The following CERCAM variants were observed in gnomAD, a reference collection of about 807,000 sequenced individuals.
The protein encoded by CERCAM is cerebral endothelial cell adhesion molecule, also known as inactive glycosyltransferase 25 family member 3.
CERCAM carries 59 observed loss-of-function variants against 66.0 expected under a neutral mutation model. The ratio of observed to expected loss-of-function variants is 0.89; its 90% CI spans 0.73 to 1.11. CERCAM has a LOEUF of 1.11. Ranked by LOEUF, CERCAM falls within the 50% of genes most tolerant of loss-of-function variation. The pLI is 0.00. For missense variants in CERCAM, 840 were observed against 828.3 expected (o/e 1.01, Z -0.17); for synonymous variants, 318 against 343.6 (o/e 0.93, Z 0.83).
rs1348370260 is a variant in CERCAM, at chr9:128,424,295, G to T, written c.561+23G>T. 8 of 1,613,440 alleles carry T rather than the reference G, an allele frequency of 5.0e-6. No homozygotes were observed. The East Asian group carries it at 1.6e-4, about 31-fold the overall frequency. On this transcript the variant is annotated intron_variant, in intron 4 of 12. Transcript: ENST00000372838. ...CAGGTGAGGCCGGGATGGGGGCCTT[G>T]GGTGGACTGAGGTCCTGGAAGGAGG...
At position 128,435,654 on chromosome 9, in the gene CERCAM, G is replaced by A. The variant is rs141311873; in HGVS notation, c.1537G>A (p.Glu513Lys). The change falls in exon 12 of 13, where the codon GAG (glutamate) becomes AAG (lysine). Residue 513 changes from glutamate (E) to lysine (K), a missense_variant and splice_region_variant. By Grantham distance (56) the Glu-to-Lys change is moderately conservative (BLOSUM62 1). Transcript: ENST00000372838. ...LPIMFDQHPN[E>K]QYKAHFWPRD... ...CTGAGCTATCCTCTCACCTTACAGC[G>A]AGCAGTACAAGGCACACTTCTGGCC... is the stretch of plus-strand genomic sequence containing the variant. 45 of 1,604,528 alleles carry A rather than the reference G, an allele frequency of 2.8e-5. No individual in the cohort carries two copies. In the African/African-American group the frequency reaches 2.8e-4, roughly 10 times the overall value.
In CERCAM at chr9:128,424,647, A is replaced by G. The variant is rs371841506; in HGVS notation, c.766+33A>G. On this transcript the variant is annotated intron_variant, in intron 5 of 12. Coordinates refer to ENST00000372838, the MANE Select transcript of CERCAM (RefSeq NM_016174.5). ...CCAGCCCTCCTTTAGCATTCCTTGGAGGCCTCTGCACATTTGCACATGCTA... is the reference window on the plus strand; with the variant it reads ...CCAGCCCTCCTTTAGCATTCCTTGGGGGCCTCTGCACATTTGCACATGCTA... The G allele has an allele frequency of 2.1e-5, 34 of 1,594,352 alleles. No homozygotes were observed. The African/African-American group carries it at 4.4e-4, about 21-fold the overall frequency.
rs780407630 is a variant in CERCAM, at chr9:128,424,264, A to AC, written c.559dup (p.Gln187ProfsTer38). 1.9e-6 allele frequency: 3 copies of AC among 1,613,754 alleles called. No individual in the cohort carries two copies. The highest frequency in any genetic ancestry group is 1.7e-5 in the Admixed American group (1 of 59,974). ...CTACTCCAACTTCTGGTGTGGGATCACCCCCCAGGTGAGGCCGGGATGGGG... is the reference window on the plus strand; with the variant it reads ...CTACTCCAACTTCTGGTGTGGGATCACCCCCCCAGGTGAGGCCGGGATGGGG... On this transcript the variant is annotated frameshift_variant, in exon 4 of 13. Coordinates refer to ENST00000372838, the MANE Select transcript of CERCAM (RefSeq NM_016174.5). LOFTEE classifies it high-confidence loss of function.
intron 9 of CERCAM, among the ~76,000 whole-genome samples, chr9:128,433,891 G>A (rs574113981): frequency 1.3e-5 from 2 of 152,356 alleles, no homozygotes; most frequent in South Asian, 4.1e-4. Context: ...AAGGGCCACG[G>A]TTACCATCAT....
At position 128,428,439 on chromosome 9, in the gene CERCAM, G is replaced by A. The variant is rs752891546; in HGVS notation, c.886+18G>A. 6.2e-7 allele frequency: 1 copy of A among 1,613,448 alleles called. No homozygotes were observed. Among genetic ancestry groups the A allele is most frequent in the Non-Finnish European group, 8.5e-7 (1 of 1,179,710 alleles). The stretch of plus-strand genomic sequence containing the variant: ...AGCACTAGGTGAGGGCTGGGGAACT[G>A]TTCCACCCACCTGCTGCCGGGGCTC... On this transcript the variant is annotated intron_variant, in intron 6 of 12. Coordinates refer to ENST00000372838, the MANE Select transcript of CERCAM (RefSeq NM_016174.5).
chr9:128,425,436 G>A (rs1452627002), intron 5 of CERCAM, among the ~76,000 whole-genome samples: 1 of 152,152 alleles, frequency 6.6e-6, no homozygotes, highest in African/African-American at 2.4e-5. Flanking sequence ...GGGAAGCTGA[G>A]GCTGGAGGGG....
chr9:128,431,118 C>G, intron 8 of CERCAM, 53 bp from the exon 9 acceptor site: 1 of 1,600,838 alleles, frequency 6.2e-7, no homozygotes, highest in Non-Finnish European at 8.5e-7. Flanking sequence ...CCTGGCCCCT[C>G]TGGAGGGGTC....
upstream of CERCAM, chr9:128,419,844 A>G (rs2131321886): frequency 6.6e-6 from 1 of 151,166 alleles, no homozygotes; most frequent in African/African-American, 2.4e-5. Flanking sequence ...CACTCAGACC[A>G]AGAGAGGGCT....
intron 8 of CERCAM, among the ~76,000 whole-genome samples, chr9:128,430,119 G>A (rs928646541): frequency 1.3e-5 from 2 of 152,050 alleles, no homozygotes; most frequent in African/African-American, 4.8e-5. Context: ...AAAAATTTTT[G>A]ACTGGGCACG....
upstream of CERCAM, chr9:128,420,619 TC>T (rs1833684211): frequency 4.8e-6 from 1 of 206,204 alleles, no homozygotes; most frequent in Non-Finnish European, 9.6e-6. This position sits in a 1 kb window ranked among gnomAD's most constrained non-coding sequence, Gnocchi z 5.0. Context: ...CCGTCGCCCC[TC>T]CGGGGTCCAG....
At chr9:128,422,220 C>G (rs146689720) in intron 1 of CERCAM, 1 of 152,568 alleles carries the variant, frequency 6.6e-6, no homozygotes, top group East Asian at 1.9e-4. Flanking sequence ...ACGAAGGTAA[C>G]CAGGGAATGC....
chr9:128,419,563 A>G (rs375627882), upstream of CERCAM: 12 of 152,204 alleles, frequency 7.9e-5, no homozygotes, highest in Non-Finnish European at 1.3e-4. Flanking sequence ...ACCCTCCCAG[A>G]TGGGTGGCGT....
Position 128,429,888 on chromosome 9 carries a change from T to C in CERCAM, c.1070+852T>C, listed in dbSNP as rs371458243. ...ACTGCAACATCCGCCTCCCAGGTTTTAAGTGATTCTCCTCCCTCACCTCCC... is the reference window on the plus strand; with the variant it reads ...ACTGCAACATCCGCCTCCCAGGTTTCAAGTGATTCTCCTCCCTCACCTCCC... On this transcript the variant is annotated intron_variant, in intron 8 of 12. Transcript: ENST00000372838. Among the ~76,000 whole-genome samples the C allele has an allele frequency of 2.6e-5, 4 of 152,182 alleles. No individual in the cohort carries two copies. In the East Asian group the frequency reaches 7.7e-4, roughly 29 times the overall value.
intron 5 of CERCAM, among the ~76,000 whole-genome samples, chr9:128,427,298 A>G (rs191258640): frequency 1.3e-5 from 2 of 152,016 alleles, no homozygotes; most frequent in East Asian, 3.9e-4. Context: ...TTTTTAGTAG[A>G]GATGGGGTTT....
chr9:128,423,172 A>C lies in CERCAM; in HGVS notation c.335A>C (p.Lys112Thr). 3.1e-6 allele frequency: 5 copies of C among 1,614,150 alleles called. No individual in the cohort carries two copies. Among genetic ancestry groups the C allele is most frequent in the Non-Finnish European group, 4.2e-6 (5 of 1,180,016 alleles). Residue 112 changes from lysine (K) to threonine (T), a missense_variant, in exon 3 of 13, where the codon AAG becomes ACG. Coordinates refer to ENST00000372838, the MANE Select transcript of CERCAM (RefSeq NM_016174.5). ...TTCTACCCAGATGAAGAGGGTCCCAAGCACTGGACCAAAGAAAGGCACCAG... is the reference window on the plus strand; with the variant it reads ...TTCTACCCAGATGAAGAGGGTCCCACGCACTGGACCAAAGAAAGGCACCAG... ...PRFYPDEEGP[K>T]HWTKERHQFL...
chr9:128,420,393 G>T (rs1322097884), upstream of CERCAM: 1 of 152,248 alleles, frequency 6.6e-6, no homozygotes, highest in Non-Finnish European at 1.5e-5. The surrounding 1 kb of genome is among the most constrained non-coding windows in gnomAD (Gnocchi z 5.0). Flanking sequence ...AGGATGGGGC[G>T]GGAGCCGGGG....
intron 5 of CERCAM, among the ~76,000 whole-genome samples, chr9:128,427,274 G>C (rs549609450): frequency 1.3e-5 from 2 of 151,858 alleles, no homozygotes; most frequent in African/African-American, 4.8e-5. Flanking sequence ...CACCACAGCC[G>C]GTTAATTTTT....
intron 1 of CERCAM, 105 bp from the exon 2 acceptor site, chr9:128,422,763 C>G: frequency 7.6e-7 from 1 of 1,318,076 alleles, no homozygotes; most frequent in Non-Finnish European, 1.0e-6. Context: ...TTCACTGTTC[C>G]AAGGAGAGCT....
Position 128,431,200 on chromosome 9 carries a change from T to C in CERCAM, c.1100T>C (p.Leu367Pro). 6.2e-7 allele frequency: 1 copy of C among 1,613,928 alleles called. No individual in the cohort carries two copies. The highest frequency in any genetic ancestry group is 1.1e-5 in the South Asian group (1 of 91,078). Residue 367 changes from leucine (L) to proline (P), a missense_variant, in exon 9 of 13, where the codon CTC becomes CCC. Transcript: ENST00000372838. The stretch of plus-strand genomic sequence containing the variant: ...CTCAACAGCAGTGCCATCAGGAACC[T>C]CGGCGTAGACCTGCTCCCGGGCTAC... ...WMLNSSAIRN[L>P]GVDLLPGYQD...
Sources: gnomAD v4.1 joint callset for allele counts (sites outside exome capture counted in the v4.1 genomes callset) on GRCh38, gnomAD v4.1.1 for gene constraint, Gnocchi (gnomAD v3.1) non-coding constraint, MANE v1.5 for transcripts, NCBI Gene and HGNC (gene_info 2026-07-23, HGNC 2026-07-21) for gene names.